The following DCPH1 variants were observed in gnomAD, a reference collection of about 807,000 sequenced individuals.
DCPH1 encodes damage-control phosphatase 1.
chr6:151,457,562 A>G, the DCPH1 span, among the ~76,000 whole-genome samples: 6 of 152,292 alleles, frequency 3.9e-5, no homozygotes, highest in East Asian at 5.8e-4. Context: ...GAAAGCTTCA[A>G]TCTTTTTTTC....
At chr6:151,460,355 G>GTCCTCCCAA in the DCPH1 span, among the ~76,000 whole-genome samples, 1 of 151,344 alleles carries the variant, frequency 6.6e-6, no homozygotes, top group Non-Finnish European at 1.5e-5. Flanking sequence ...TGCCCTCCTC[G>GTCCTCCCAA]TCCTCCCAAA....
chr6:151,469,159 T>C, the DCPH1 span: 5 of 1,485,228 alleles, frequency 3.4e-6, no homozygotes, highest in Admixed American at 9.0e-5. Context: ...TGAGCACCTT[T>C]TCATCCCCAG....
chr6:151,458,355 A>G, the DCPH1 span: 32 of 1,613,028 alleles, frequency 2.0e-5, no homozygotes, highest in Non-Finnish European at 2.5e-5. Flanking sequence ...AAAGAAAGCT[A>G]TCTCTCTCCT....
the DCPH1 span, chr6:151,452,775 AG>A: frequency 1.8e-6 from 1 of 570,718 alleles, no homozygotes. Flanking sequence ...GGCCCCGGGG[AG>A]GGAGCCTGCC....
At chr6:151,468,619 C>A in the DCPH1 span, 1 of 1,614,088 alleles carries the variant, frequency 6.2e-7, no homozygotes, top group Non-Finnish European at 8.5e-7. Flanking sequence ...TACTGAGGTT[C>A]ATTTTTATGG....
chr6:151,458,537 C>T, the DCPH1 span: 3 of 1,611,974 alleles, frequency 1.9e-6, no homozygotes, highest in Non-Finnish European at 2.5e-6. Flanking sequence ...TAGAATGTTA[C>T]ATGTATCGAA....
the DCPH1 span, among the ~76,000 whole-genome samples, chr6:151,460,184 G>A: frequency 1.8e-4 from 27 of 152,026 alleles, no homozygotes; most frequent in African/African-American, 5.8e-4. Flanking sequence ...GGTTCAAGCA[G>A]TTCTCTTGCC....
At chr6:151,468,970 C>T in the DCPH1 span, 8 of 1,614,110 alleles carry the variant, frequency 5.0e-6, no homozygotes, top group Non-Finnish European at 6.8e-6. Flanking sequence ...CCATCCTGCA[C>T]CACTCTGTAC....
At chr6:151,457,510 G>T in the DCPH1 span, among the ~76,000 whole-genome samples, 2 of 152,294 alleles carry the variant, frequency 1.3e-5, no homozygotes, top group South Asian at 2.1e-4. Flanking sequence ...AAAACAGTCA[G>T]CTACAACTTC....
At chr6:151,463,579 G>A in the DCPH1 span, among the ~76,000 whole-genome samples, 4 of 152,096 alleles carry the variant, frequency 2.6e-5, no homozygotes, top group Non-Finnish European at 5.9e-5. Flanking sequence ...AGCTTCCCGA[G>A]GTGACTGACT....
the DCPH1 span, chr6:151,452,765 G>A: frequency 1.7e-6 from 1 of 599,792 alleles, no homozygotes. Context: ...GAAGGGAGGC[G>A]GCCCCGGGGA....
chr6:151,454,319 C>T, the DCPH1 span, among the ~76,000 whole-genome samples: 3 of 152,148 alleles, frequency 2.0e-5, no homozygotes, highest in Non-Finnish European at 4.4e-5. Flanking sequence ...AAACAGACTC[C>T]ATGGGAGAAT....
chr6:151,458,177 C>T, the DCPH1 span: 3 of 1,011,288 alleles, frequency 3.0e-6, no homozygotes, highest in African/African-American at 1.6e-5. Context: ...TTTTGATTTT[C>T]AGTTTAAGAG....
At chr6:151,452,494 G>A in the DCPH1 span, 2 of 1,604,802 alleles carry the variant, frequency 1.2e-6, no homozygotes, top group South Asian at 2.2e-5. Flanking sequence ...TACCGCCTCT[G>A]TTTCTGCGGC....
chr6:151,458,230 A>G, the DCPH1 span: 1 of 1,449,762 alleles, frequency 6.9e-7, no homozygotes, highest in Non-Finnish European at 9.2e-7. Flanking sequence ...AGTTTTGAAC[A>G]TTTTTCTTTT....
chr6:151,459,748 C>A, the DCPH1 span, among the ~76,000 whole-genome samples: 2 of 152,274 alleles, frequency 1.3e-5, no homozygotes, highest in South Asian at 4.1e-4. Flanking sequence ...CAAGATTACA[C>A]CACCGCACTC....
At chr6:151,455,461 C>T in the DCPH1 span, among the ~76,000 whole-genome samples, 7 of 152,298 alleles carry the variant, frequency 4.6e-5, no homozygotes, top group East Asian at 1.2e-3. Context: ...GGTCAGCAGA[C>T]AAACACGTGA....
chr6:151,464,832 C>T, the DCPH1 span, among the ~76,000 whole-genome samples: 1 of 152,158 alleles, frequency 6.6e-6, no homozygotes, highest in African/African-American at 2.4e-5. Flanking sequence ...AAGAAGTTAT[C>T]TGACTTCCTA....
the DCPH1 span, chr6:151,452,676 G>A: frequency 3.0e-6 from 4 of 1,333,126 alleles, no homozygotes; most frequent in Non-Finnish European, 4.1e-6. Context: ...CCCGCTCCCC[G>A]GTGGGCTGCG....
Sources: gnomAD v4.1 joint callset for allele counts (sites outside exome capture counted in the v4.1 genomes callset) on GRCh38, gnomAD v4.1.1 for gene constraint, MANE v1.5 for transcripts, NCBI Gene and HGNC (gene_info 2026-07-23, HGNC 2026-07-21) for gene names.